TENM2: variants seen among roughly 807,000 people sequenced by gnomAD.
TENM2 encodes the protein teneurin-2.
Under a neutral mutation model 245.2 loss-of-function variants are expected in TENM2, and 52 were observed. That is an observed-to-expected ratio of 0.21 (90% CI 0.17 to 0.27). TENM2 has a LOEUF of 0.27. Among genes scored for constraint, TENM2 ranks in the 10% least tolerant of loss-of-function variants. TENM2 has a pLI of 1.00. For missense variants in TENM2, 3,046 were observed against 3,666.8 expected (o/e 0.83, Z 4.37); for synonymous variants, 1,363 against 1,438.9 (o/e 0.95, Z 1.19).
the TENM2 span, among the ~76,000 whole-genome samples, chr5:167,269,765 C>T: frequency 2.6e-5 from 4 of 152,172 alleles, no homozygotes; most frequent in African/African-American, 9.7e-5. Context: ...CCCACAAGAT[C>T]TGTAAATCCT....
intron 2 of TENM2, among the ~76,000 whole-genome samples, chr5:167,419,372 G>T (rs1189769644): frequency 6.6e-6 from 1 of 152,188 alleles, no homozygotes; most frequent in Non-Finnish European, 1.5e-5. Context: ...TGAGGCAGGA[G>T]AATGGCTGAG....
intron 2 of TENM2, among the ~76,000 whole-genome samples, chr5:167,635,794 G>A (rs1437011463): frequency 6.6e-6 from 1 of 151,618 alleles, no homozygotes; most frequent in African/African-American, 2.4e-5. Context: ...ACAGGCGCCT[G>A]CCACCACGCC....
Position 167,849,287 on chromosome 5 carries a change from G to A in TENM2, c.503-26699G>A, listed in dbSNP as rs150446698. Among the ~76,000 whole-genome samples, 168 of 152,058 alleles carry A rather than the reference G, an allele frequency of 1.1e-3. 1 individual carries two copies. Among genetic ancestry groups the A allele is most frequent in the African/African-American group, 3.5e-3 (146 of 41,456 alleles). ...ATCTCAAGATCTTTAACTTATTACAGCTGCAAATTCCTTTTTACCATGTGC... is the reference window on the plus strand; with the variant it reads ...ATCTCAAGATCTTTAACTTATTACAACTGCAAATTCCTTTTTACCATGTGC... On this transcript the variant is annotated intron_variant, in intron 2 of 28. Transcript: ENST00000518659.
chr5:168,026,666 C>T (rs1581097728), intron 5 of TENM2, among the ~76,000 whole-genome samples: 1 of 152,176 alleles, frequency 6.6e-6, no homozygotes, highest in South Asian at 2.1e-4. Context: ...TGTTACTTAA[C>T]CTCACTGCGA....
At chr5:168,143,062 T>C (rs1230469138) in intron 12 of TENM2, among the ~76,000 whole-genome samples, 1 of 152,128 alleles carries the variant, frequency 6.6e-6, no homozygotes, top group Non-Finnish European at 1.5e-5. Flanking sequence ...AATAGCCCAT[T>C]TTTAGGGAGT....
intron 25 of TENM2, among the ~76,000 whole-genome samples, chr5:168,230,210 A>G (rs1396806905): frequency 6.6e-6 from 1 of 152,172 alleles, no homozygotes; most frequent in African/African-American, 2.4e-5. Flanking sequence ...AGTTTTATCT[A>G]TCAACACCTC....
At chr5:168,232,129 G>A (rs1282236709) in intron 25 of TENM2, among the ~76,000 whole-genome samples, 1 of 152,158 alleles carries the variant, frequency 6.6e-6, no homozygotes, top group Non-Finnish European at 1.5e-5. Context: ...ATGAGAAGGG[G>A]ACAAGATAGA....
intron 12 of TENM2, among the ~76,000 whole-genome samples, chr5:168,162,146 T>A (rs1001933567): frequency 6.6e-6 from 1 of 152,174 alleles, no homozygotes; most frequent in Admixed American, 6.5e-5. Flanking sequence ...TGTAAATATA[T>A]CTTTAAAACT....
At chr5:167,740,206 T>C (rs1048769157) in intron 2 of TENM2, among the ~76,000 whole-genome samples, 6 of 152,208 alleles carry the variant, frequency 3.9e-5, no homozygotes, top group Non-Finnish European at 2.9e-5. Flanking sequence ...TTTCCAAATC[T>C]ATATGTCTTT....
chr5:167,063,817 G>A, the TENM2 span, among the ~76,000 whole-genome samples: 4 of 152,304 alleles, frequency 2.6e-5, no homozygotes, highest in South Asian at 4.1e-4. Flanking sequence ...TTAATGGCTA[G>A]AAAGTTTACA....
At chr5:167,079,292 TTA>T in the TENM2 span, among the ~76,000 whole-genome samples, 1 of 148,164 alleles carries the variant, frequency 6.7e-6, no homozygotes, top group Non-Finnish European at 1.5e-5. Context: ...CACACGCATA[TTA>T]TATATATATA....
chr5:167,301,803 C>G (rs1487917217), intron 1 of TENM2, among the ~76,000 whole-genome samples: 1 of 152,026 alleles, frequency 6.6e-6, no homozygotes, highest in Non-Finnish European at 1.5e-5. Context: ...GCCTTTAGCT[C>G]CAGCCACCTT....
intron 5 of TENM2, among the ~76,000 whole-genome samples, chr5:168,008,125 G>T (rs1427516896): frequency 6.6e-6 from 1 of 152,152 alleles, no homozygotes; most frequent in Non-Finnish European, 1.5e-5. Flanking sequence ...CCCAAGGGCT[G>T]GAATAGTTGA....
At chr5:168,173,185 T>A (rs1446568629) in intron 13 of TENM2, among the ~76,000 whole-genome samples, 1 of 152,174 alleles carries the variant, frequency 6.6e-6, no homozygotes, top group Non-Finnish European at 1.5e-5. Context: ...TATGGGAGTC[T>A]GGAAATGTCA....
At chr5:167,039,881 T>C in the TENM2 span, among the ~76,000 whole-genome samples, 2 of 152,204 alleles carry the variant, frequency 1.3e-5, no homozygotes, top group Non-Finnish European at 2.9e-5. Context: ...CCTTAGCTAA[T>C]GTTCCACAAA....
At chr5:166,991,488 T>C in the TENM2 span, among the ~76,000 whole-genome samples, 1 of 152,180 alleles carries the variant, frequency 6.6e-6, no homozygotes, top group African/African-American at 2.4e-5. Flanking sequence ...CCTTTTTTGT[T>C]CTGTGTAGTT....
chr5:167,312,154 A>G (rs13158731), intron 1 of TENM2, among the ~76,000 whole-genome samples: 3 of 152,244 alleles, frequency 2.0e-5, no homozygotes, highest in East Asian at 1.9e-4. Context: ...TGTTAGATAT[A>G]TATTATATAA....
intron 2 of TENM2, among the ~76,000 whole-genome samples, chr5:167,383,845 A>G (rs1050995815): frequency 6.6e-5 from 10 of 152,046 alleles, no homozygotes; most frequent in African/African-American, 2.4e-4. Flanking sequence ...GTATATGTAT[A>G]TACACACATA....
the TENM2 span, among the ~76,000 whole-genome samples, chr5:167,016,184 G>T: frequency 1.3e-5 from 2 of 151,238 alleles, no homozygotes; most frequent in Non-Finnish European, 2.9e-5. Context: ...AACCCAGGAG[G>T]CAGAGCTTGC....
Sources: allele counts gnomAD v4.1 joint callset (sites outside exome capture counted in the v4.1 genomes callset), GRCh38; gene constraint gnomAD v4.1.1; transcripts MANE v1.5; gene names NCBI Gene and HGNC (gene_info 2026-07-23, HGNC 2026-07-21).